The following TTC6 variants were observed in gnomAD, a reference collection of about 807,000 sequenced individuals.
The protein encoded by TTC6 is tetratricopeptide repeat protein 6.
TTC6 carries 172 observed loss-of-function variants against 210.4 expected under a neutral mutation model. That is an observed-to-expected ratio of 0.82 (90% confidence interval 0.72 to 0.93). The LOEUF (loss-of-function observed/expected upper bound fraction) is 0.93. Among genes scored for constraint, TTC6 ranks in the 40% least tolerant of loss-of-function variants. The pLI, the probability that TTC6 is intolerant of heterozygous loss-of-function variation, is 0.00. For synonymous variants in TTC6, 804 were observed against 819.6 expected, an observed-to-expected ratio of 0.98 and a Z score of 0.32; for missense variants, 2,414 against 2,318.1, an observed-to-expected ratio of 1.04 and a Z score of -0.85.
intron 1 of TTC6, among the ~76,000 whole-genome samples, chr14:37,638,369 C>T (rs774795425): frequency 8.5e-5 from 13 of 152,200 alleles, no homozygotes; most frequent in Middle Eastern, 3.4e-3. Context: ...GTTTTCCTGC[C>T]TCAGCCTCCC....
intron 1 of TTC6, among the ~76,000 whole-genome samples, chr14:37,660,833 C>T (rs1333003829): frequency 1.3e-5 from 2 of 152,218 alleles, no homozygotes; most frequent in African/African-American, 2.4e-5. Flanking sequence ...TTCTCCACAG[C>T]TGTGCCAGAA....
At chr14:37,775,184 C>T (rs1255255556) in intron 14 of TTC6, among the ~76,000 whole-genome samples, 1 of 152,086 alleles carries the variant, frequency 6.6e-6, no homozygotes, top group Admixed American at 6.5e-5. Flanking sequence ...AACATAACTA[C>T]TGGATTTGTT....
intron 29 of TTC6, among the ~76,000 whole-genome samples, chr14:37,840,505 C>T (rs1010698521): frequency 2.0e-5 from 3 of 152,120 alleles, no homozygotes; most frequent in Non-Finnish European, 4.4e-5. Context: ...CCAGCATCAT[C>T]CTGATGTCAA....
chr14:37,841,501 C>A, exon 30 of TTC6: 1 of 1,597,556 alleles, frequency 6.3e-7, no homozygotes, highest in Admixed American at 1.8e-5. Context: ...AATATGTTCT[C>A]ATGAATCGAG....
At chr14:37,627,129 A>C (rs1393919387) in intron 1 of TTC6, among the ~76,000 whole-genome samples, 2 of 151,820 alleles carry the variant, frequency 1.3e-5, no homozygotes, top group Non-Finnish European at 2.9e-5. Context: ...TACTTTCATC[A>C]TGTGAAGTGC....
chr14:37,741,324 C>A (rs12878115), intron 10 of TTC6, among the ~76,000 whole-genome samples: 1 of 117,614 alleles, frequency 8.5e-6, no homozygotes, highest in African/African-American at 3.5e-5. Flanking sequence ...GACAGAGTCT[C>A]GCTGTTGCCC....
intron 14 of TTC6, among the ~76,000 whole-genome samples, chr14:37,781,083 A>G (rs550950329): frequency 2.6e-5 from 4 of 152,344 alleles, no homozygotes; most frequent in Non-Finnish European, 5.9e-5. Flanking sequence ...ATGCCACCAT[A>G]AACATACGTG....
At chr14:37,682,637 T>C in intron 2 of TTC6, 121 bp from the exon 5 acceptor site, 1 of 804,926 alleles carries the variant, frequency 1.2e-6, no homozygotes, top group Non-Finnish European at 1.9e-6. Flanking sequence ...TCATCACCTA[T>C]GCTTAGTTTC....
intron 14 of TTC6, among the ~76,000 whole-genome samples, chr14:37,776,825 G>A (rs1056023020): frequency 7.2e-5 from 11 of 151,932 alleles, no homozygotes; most frequent in East Asian, 2.0e-4. Flanking sequence ...GGGCGGGGGC[G>A]GGCTGAGGTT....
At chr14:37,789,244 A>G (rs2096074086) in intron 15 of TTC6, among the ~76,000 whole-genome samples, 1 of 152,304 alleles carries the variant, frequency 6.6e-6, no homozygotes, top group African/African-American at 2.4e-5. Context: ...GAGTAATGCT[A>G]GGAGCTCGGT....
At chr14:37,833,655 G>A (rs1033846987) in intron 29 of TTC6, among the ~76,000 whole-genome samples, 3 of 151,866 alleles carry the variant, frequency 2.0e-5, no homozygotes, top group Non-Finnish European at 4.4e-5. Context: ...TTTTCTTATT[G>A]TTTTCTATAT....
At position 37,808,828 on chromosome 14, in the gene TTC6, G is replaced by A. The variant is rs146631992; in HGVS notation, c.4551G>A (p.Lys1517=). 2,550 of 1,533,258 alleles carry A rather than the reference G, an allele frequency of 1.7e-3. 19 individuals are homozygous for A. Among genetic ancestry groups the A allele is most frequent in the South Asian group, 0.011 (895 of 82,848 alleles). 95.0% of individuals were successfully genotyped at this position (1,533,258 alleles called of 1,614,324 possible). ...ATAACAGAGCATTATGTTACACCAA[G>A]ATAAGGGAACTTCAAATGGTAAGAT... The change falls in exon 24 of 31, where the codon AAG becomes AAA. Residue 1517 remains lysine (K), a synonymous_variant. Coordinates refer to ENST00000553443, the Ensembl canonical transcript of TTC6.
chr14:37,712,725 G>A (rs2095846517), intron 5 of TTC6, among the ~76,000 whole-genome samples: 1 of 152,074 alleles, frequency 6.6e-6, no homozygotes, highest in Admixed American at 6.6e-5. Flanking sequence ...CTCACATCAC[G>A]AGAACAGCAC....
intron 5 of TTC6, among the ~76,000 whole-genome samples, chr14:37,710,316 C>T (rs1166444451): frequency 1.3e-5 from 2 of 152,168 alleles, no homozygotes; most frequent in Non-Finnish European, 2.9e-5. Context: ...ATGTAGCTCA[C>T]AGTCACCTTT....
At position 37,600,466 on chromosome 14, in the gene TTC6, G is replaced by T. The variant is rs2095613519; in HGVS notation, c.-235+4458G>T. On this transcript the variant is annotated intron_variant, in intron 1 of 2. Transcript: ENST00000556845. ...TGTTTAGCTTCTCCGTCCCAGGCCG[G>T]CCAGCCCCCGCCAATCCACTCGCGC... 5.9e-5 allele frequency among the ~76,000 whole-genome samples: 9 copies of T among 152,120 alleles called. No homozygotes were observed. In the South Asian group the frequency reaches 1.9e-3, roughly 32 times the overall value.
At chr14:37,689,779 C>T (rs1810066144) in intron 3 of TTC6, among the ~76,000 whole-genome samples, 1 of 151,996 alleles carries the variant, frequency 6.6e-6, no homozygotes, top group African/African-American at 2.4e-5. Context: ...AAAGCTGAGG[C>T]ATTTTATCAA....
At chr14:37,596,540 A>G (rs2095604984) in intron 1 of TTC6, among the ~76,000 whole-genome samples, 1 of 152,200 alleles carries the variant, frequency 6.6e-6, no homozygotes, top group African/African-American at 2.4e-5. Context: ...CCTGGGAGAG[A>G]GAACAACTGA....
chr14:37,670,678 C>G (rs1013548435), intron 1 of TTC6, among the ~76,000 whole-genome samples: 2 of 151,722 alleles, frequency 1.3e-5, no homozygotes, highest in African/African-American at 4.8e-5. Flanking sequence ...ACCATGTTGG[C>G]CAGGCTGGTC....
chr14:37,683,557 TAGAG>T lies in TTC6; in HGVS notation c.1257+607_1257+610del, dbSNP rs558904136. 1.6e-3 allele frequency among the ~76,000 whole-genome samples: 236 copies of T among 151,590 alleles called. 3 individuals carry two copies. The highest frequency in any genetic ancestry group is 6.8e-3 in the Middle Eastern group (2 of 292). Reference sequence around the variant, plus strand: ...AATACACATAGGACAATAAGATATTTAGAGAGAGAGAGAGAGATAACATATTCAC... The same window carrying T: ...AATACACATAGGACAATAAGATATTTAGAGAGAGAGAGATAACATATTCAC... On this transcript the variant is annotated intron_variant, in intron 3 of 30. Transcript: ENST00000553443.
Sources: gnomAD v4.1 joint callset for allele counts (sites outside exome capture counted in the v4.1 genomes callset) on GRCh38, gnomAD v4.1.1 for gene constraint, MANE v1.5 for transcripts, NCBI Gene and HGNC (gene_info 2026-07-23, HGNC 2026-07-21) for gene names.